Variants in ACBD6 observed in about 807,000 individuals in gnomAD.
ACBD6 encodes acyl-CoA binding domain containing 6.
A neutral mutation model predicts 37.2 loss-of-function variants in ACBD6; 28 were observed. That is an observed-to-expected ratio of 0.75 (90% confidence interval 0.56 to 1.03). The LOEUF (loss-of-function observed/expected upper bound fraction) is 1.03. Among genes scored for constraint, ACBD6 ranks in the 50% least tolerant of loss-of-function variants. The pLI, the probability that ACBD6 is intolerant of heterozygous loss-of-function variation, is 0.00. For synonymous variants in ACBD6, 113 were observed against 126.8 expected, an observed-to-expected ratio of 0.89 and a Z score of 0.73; for missense variants, 340 against 337.4, an observed-to-expected ratio of 1.01 and a Z score of -0.06.
chr1:180,492,501 T>A, intron 2 of ACBD6, 136 bp from the exon 3 acceptor site: 1 of 733,818 alleles, frequency 1.4e-6, no homozygotes, highest in Non-Finnish European at 2.4e-6. Flanking sequence ...ATAGAGAAGC[T>A]CTGTCTTTTT....
chr1:180,426,568 T>C (rs568732528), intron 4 of ACBD6, among the ~76,000 whole-genome samples: 1 of 152,210 alleles, frequency 6.6e-6, no homozygotes, highest in Non-Finnish European at 1.5e-5. Flanking sequence ...TCTAAAAATA[T>C]TGGCTCTCCC....
chr1:180,461,168 T>C (rs1268015949), intron 3 of ACBD6, among the ~76,000 whole-genome samples: 1 of 152,046 alleles, frequency 6.6e-6, no homozygotes, highest in African/African-American at 2.4e-5. Context: ...GAAGACTATG[T>C]TTCTGAAATA....
At position 180,372,364 on chromosome 1, in the gene ACBD6, CTAAATA is replaced by C. The variant is rs1653294130; in HGVS notation, c.663+25146_663+25151del. 4.6e-5 allele frequency among the ~76,000 whole-genome samples: 7 copies of C among 152,228 alleles called. No individual in the cohort carries two copies. The South Asian group carries it at 1.5e-3, about 32-fold the overall frequency. On this transcript the variant is annotated intron_variant, in intron 6 of 7. Coordinates refer to ENST00000367595, the MANE Select transcript of ACBD6 (RefSeq NM_032360.4). ...TTACAGACATCATGACATCTTGTCT[CTAAATA>C]TATCAGTATGCACCTAAAAACAAAA...
At chr1:180,354,345 T>C (rs1652540542) in intron 6 of ACBD6, among the ~76,000 whole-genome samples, 1 of 152,240 alleles carries the variant, frequency 6.6e-6, no homozygotes, top group East Asian at 1.9e-4. Flanking sequence ...TGTAATTTAT[T>C]CATAACTATT....
Position 180,502,180 on chromosome 1 carries a change from C to T in ACBD6, c.87G>A (p.Glu29=). 1 of 1,614,120 alleles carries T rather than the reference C, an allele frequency of 6.2e-7. No homozygotes were observed. The highest frequency in any genetic ancestry group is 8.5e-7 in the Non-Finnish European group (1 of 1,180,028). Residue 29 remains glutamate, a synonymous_variant, in exon 1 of 8, where the codon GAG becomes GAA. Coordinates refer to ENST00000367595, the MANE Select transcript of ACBD6 (RefSeq NM_032360.4). ...CCTCGATCTCAGGGCTATGGGGGAA[C>T]TCCACCTCCCCGGAGTCGTCCCCTG... ...LSSGDDSGEV[E]FPHSPEIEET...
At chr1:180,438,929 C>T (rs1386939513) in intron 3 of ACBD6, among the ~76,000 whole-genome samples, 2 of 152,112 alleles carry the variant, frequency 1.3e-5, no homozygotes, top group African/African-American at 2.4e-5. Flanking sequence ...TCCCTCCCCA[C>T]TCTCCTCCAT....
chr1:180,479,824 T>C (rs1321068278), intron 3 of ACBD6, among the ~76,000 whole-genome samples: 1 of 151,740 alleles, frequency 6.6e-6, no homozygotes, highest in East Asian at 1.9e-4. Flanking sequence ...CCTGTCCCTA[T>C]TAAAAATACA....
At chr1:180,454,826 T>A (rs1213566992) in intron 3 of ACBD6, among the ~76,000 whole-genome samples, 2 of 152,104 alleles carry the variant, frequency 1.3e-5, no homozygotes, top group East Asian at 1.9e-4. Context: ...TGAGATACCA[T>A]CTCACACCAG....
At chr1:180,390,187 T>C (rs1387907030) in intron 6 of ACBD6, among the ~76,000 whole-genome samples, 2 of 152,102 alleles carry the variant, frequency 1.3e-5, no homozygotes, top group African/African-American at 4.8e-5. Context: ...GTAGAAGGTG[T>C]AAGGAAGGGA....
downstream of ACBD6, among the ~76,000 whole-genome samples, chr1:180,285,351 C>CA (rs921049705): frequency 6.6e-5 from 10 of 151,076 alleles, no homozygotes; most frequent in Non-Finnish European, 1.3e-4. Context: ...GACCTTGTCT[C>CA]AAAAAAAAGT....
At chr1:180,433,617 T>C (rs1256975494) in intron 3 of ACBD6, among the ~76,000 whole-genome samples, 1 of 118,598 alleles carries the variant, frequency 8.4e-6, no homozygotes, top group African/African-American at 3.2e-5. Flanking sequence ...TGTGTGTGTG[T>C]GTACAGAGAG....
exon 14 of ACBD6, chr1:180,271,904 C>T: frequency 6.2e-7 from 1 of 1,613,472 alleles, no homozygotes; most frequent in Non-Finnish European, 8.5e-7. Context: ...CCGCTGGGGG[C>T]AGTTCTATAA....
chr1:180,316,941 TAGAA>T (rs753910695), intron 6 of ACBD6, among the ~76,000 whole-genome samples: 5 of 152,240 alleles, frequency 3.3e-5, no homozygotes, highest in African/African-American at 7.2e-5. Context: ...CTATTTTAGA[TAGAA>T]AGGACTCTAT....
At chr1:180,405,565 T>G (rs1262179161) in intron 5 of ACBD6, among the ~76,000 whole-genome samples, 1 of 152,222 alleles carries the variant, frequency 6.6e-6, no homozygotes, top group Non-Finnish European at 1.5e-5. Context: ...TGGATGGTCA[T>G]CTATTTTGCT....
In ACBD6 at chr1:180,502,411, C is replaced by T; in HGVS notation, c.-145G>A. ...AGCTCAGTCGCGGCGCGCTCCCTCACGTGACCCTGCTCCCTGCCCACTTCT... is the reference window on the plus strand; with the variant it reads ...AGCTCAGTCGCGGCGCGCTCCCTCATGTGACCCTGCTCCCTGCCCACTTCT... On this transcript the variant is annotated 5_prime_UTR_variant, in exon 1 of 8. The change creates a new upstream start codon in the 5' untranslated region. Coordinates refer to ENST00000367595, the MANE Select transcript of ACBD6 (RefSeq NM_032360.4). 1.2e-6 allele frequency: 1 copy of T among 848,268 alleles called. No individual in the cohort carries two copies. The highest frequency in any genetic ancestry group is 2.6e-5 in the East Asian group (1 of 37,774). 52.5% of individuals were successfully genotyped at this position (848,268 alleles called of 1,614,324 possible).
intron 7 of ACBD6, among the ~76,000 whole-genome samples, chr1:180,290,707 TC>T (rs149983227): frequency 0.03 from 4,582 of 152,254 alleles, 104 homozygotes; most frequent in South Asian, 0.053. Flanking sequence ...CTTTGAAGGA[TC>T]GAGCAAAATT....
chr1:180,315,627 T>G (rs544035246), intron 6 of ACBD6, among the ~76,000 whole-genome samples: 1 of 152,180 alleles, frequency 6.6e-6, no homozygotes, highest in Non-Finnish European at 1.5e-5. Flanking sequence ...AACAGCTGAA[T>G]GTAGGGGTGG....
chr1:180,488,137 T>C (rs1417604878), intron 3 of ACBD6, among the ~76,000 whole-genome samples: 1 of 152,152 alleles, frequency 6.6e-6, no homozygotes, highest in Non-Finnish European at 1.5e-5. Context: ...CATGTGTGTC[T>C]ATGTGTAAAG....
rs572066517 is a variant in ACBD6 at position 180,319,272 on chromosome 1, A to T, written c.664-4550T>A. ...GTGCCTAGCTCAGTGTCTTGCATAT[A>T]CTGTGTGCTCAATAAATGTTCATGA... On this transcript the variant is annotated intron_variant, in intron 6 of 7. Coordinates refer to ENST00000367595, the MANE Select transcript of ACBD6 (RefSeq NM_032360.4). 2.0e-5 allele frequency among the ~76,000 whole-genome samples: 3 copies of T among 152,330 alleles called. No homozygotes were observed. The South Asian group carries it at 6.2e-4, about 32-fold the overall frequency.
Sources: gnomAD v4.1 joint callset for allele counts (sites outside exome capture counted in the v4.1 genomes callset) on GRCh38, gnomAD v4.1.1 for gene constraint, MANE v1.5 for transcripts, NCBI Gene and HGNC (gene_info 2026-07-23, HGNC 2026-07-21) for gene names.